FBXO36: variants seen among roughly 807,000 people sequenced by gnomAD.
FBXO36 encodes F-box only protein 36.
FBXO36 carries 18 observed loss-of-function variants against 17.0 expected under a neutral mutation model. The ratio of observed to expected loss-of-function variants is 1.06; its 90% CI spans 0.73 to 1.57. The LOEUF (loss-of-function observed/expected upper bound fraction) is 1.57. FBXO36 is among the 40% of genes most tolerant of loss of function. The probability of loss-of-function intolerance (pLI) is 0.00; values close to 1 mark genes in which losing one functional copy is unlikely to be tolerated. For missense variants in FBXO36, 229 were observed against 221.9 expected, an observed-to-expected ratio of 1.03 and a Z score of -0.20; for synonymous variants, 83 against 85.3, an observed-to-expected ratio of 0.97 and a Z score of 0.15.
intron 2 of FBXO36, among the ~76,000 whole-genome samples, chr2:229,987,311 T>A (rs2077274242): frequency 6.6e-6 from 1 of 152,154 alleles, no homozygotes; most frequent in Admixed American, 6.6e-5. Flanking sequence ...TGTCACTTTT[T>A]TGTTGTAATC....
Position 229,977,897 on chromosome 2 carries a change from A to G in FBXO36, c.205+1548A>G, listed in dbSNP as rs1577351612. On this transcript the variant is annotated intron_variant, in intron 2 of 3. Coordinates refer to ENST00000283946, the MANE Select transcript of FBXO36 (RefSeq NM_174899.5). ...TGTTAATGTCGTTTAATCTTAATCT[A>G]CTTTAGAATGTGTCTCTCAAGGGAC... 2.0e-5 allele frequency among the ~76,000 whole-genome samples: 3 copies of G among 152,294 alleles called. No homozygotes were observed. The East Asian group carries it at 5.8e-4, about 29-fold the overall frequency.
At chr2:229,936,132 G>C (rs186269580) in intron 1 of FBXO36, among the ~76,000 whole-genome samples, 6 of 152,016 alleles carry the variant, frequency 3.9e-5, no homozygotes, top group Non-Finnish European at 8.8e-5. Flanking sequence ...GCAGTGAACC[G>C]AGGTCACGCA....
intron 3 of FBXO36, among the ~76,000 whole-genome samples, chr2:230,001,653 G>A (rs1453028357): frequency 6.6e-6 from 1 of 152,050 alleles, no homozygotes; most frequent in Non-Finnish European, 1.5e-5. Flanking sequence ...AATTCCGGGG[G>A]ACAAGTTTAT....
rs931621534 is a variant in FBXO36, at chr2:229,996,627, T to C, written c.206-124T>C. 8.6e-6 allele frequency: 9 copies of C among 1,041,700 alleles called. No homozygotes were observed. The African/African-American group carries it at 1.5e-4, about 17-fold the overall frequency. The allele number at this position is 1,041,700 out of a possible 1,614,324, so 64.5% of individuals were successfully genotyped here. A position where few individuals can be genotyped will look rare whatever the true frequency, so the allele number is the denominator to read the frequency against. On this transcript the variant is annotated intron_variant, in intron 2 of 3. Coordinates refer to ENST00000283946, the MANE Select transcript of FBXO36 (RefSeq NM_174899.5). ...AAAGGCAGCTCGGTGAAAGTAGGAA[T>C]GACTTAGCATCATCTAACGTCACTC...
At chr2:229,937,328 C>G (rs2076969364) in intron 1 of FBXO36, among the ~76,000 whole-genome samples, 1 of 151,872 alleles carries the variant, frequency 6.6e-6, no homozygotes, top group Non-Finnish European at 1.5e-5. Flanking sequence ...AACCCCATCT[C>G]TACTAAGAAT....
chr2:229,941,421 C>G (rs2076998118), intron 1 of FBXO36, among the ~76,000 whole-genome samples: 1 of 152,000 alleles, frequency 6.6e-6, no homozygotes, highest in African/African-American at 2.4e-5. Context: ...TGCCACTGCA[C>G]TCCAGCCTGG....
In FBXO36 at chr2:230,013,029, TAAAA is replaced by T. The variant is rs552110750; in HGVS notation, c.*2149_*2152del. 16 of 151,134 alleles carry T rather than the reference TAAAA, an allele frequency of 1.1e-4. No individual in the cohort carries two copies. The highest frequency in any genetic ancestry group is 1.5e-4 in the Non-Finnish European group (10 of 67,708). 9.4% of individuals were successfully genotyped at this position (151,134 alleles called of 1,614,324 possible). A position where few individuals can be genotyped will look rare whatever the true frequency, so the allele number is the denominator to read the frequency against. Reference sequence around the variant, plus strand: ...TTATAAAAATAAATGCTAAAGTAAATAAAAAAAGAGCCATTAATATGTTAACTAT... The same window carrying T: ...TTATAAAAATAAATGCTAAAGTAAATAAAGAGCCATTAATATGTTAACTAT... On this transcript the variant is annotated 3_prime_UTR_variant, in exon 4 of 4. Coordinates refer to ENST00000283946, the MANE Select transcript of FBXO36 (RefSeq NM_174899.5).
rs1421618319 is a variant in FBXO36, at chr2:229,924,723, CTT to C, written c.96+2116_96+2117del. On this transcript the variant is annotated intron_variant, in intron 1 of 3. Transcript: ENST00000283946. The stretch of plus-strand genomic sequence containing the variant: ...AATTCTGTTGTTGGTGTTCTTCAGA[CTT>C]TGCTCTCAAGTCTAACTTAGGCGCA... Among the ~76,000 whole-genome samples the C allele has an allele frequency of 8.0e-5, 12 of 150,756 alleles. 1 individual carries two copies. In the South Asian group the frequency reaches 2.1e-3, roughly 26 times the overall value.
At chr2:229,999,937 C>T (rs911992904) in intron 3 of FBXO36, among the ~76,000 whole-genome samples, 12 of 152,094 alleles carry the variant, frequency 7.9e-5, no homozygotes, top group African/African-American at 2.9e-4. Flanking sequence ...TTTAGCTCCC[C>T]AAAATATATT....
In FBXO36 at chr2:229,987,288, A is replaced by G. The variant is rs963172462; in HGVS notation, c.206-9463A>G. Among the ~76,000 whole-genome samples the G allele has an allele frequency of 1.5e-4, 22 of 151,082 alleles. 1 individual carries two copies. The highest frequency in any genetic ancestry group is 1.4e-3 in the Admixed American group (21 of 15,162). ...TGTTAACATTTGTCCTATTTACTTC[A>G]TTTCATCTAAATTGTCACTTTTTTG... On this transcript the variant is annotated intron_variant, in intron 2 of 3. Coordinates refer to ENST00000283946, the MANE Select transcript of FBXO36 (RefSeq NM_174899.5).
chr2:229,942,440 T>C (rs1225490989), intron 1 of FBXO36, among the ~76,000 whole-genome samples: 3 of 152,194 alleles, frequency 2.0e-5, no homozygotes, highest in African/African-American at 7.2e-5. Context: ...GACCTTTGGG[T>C]TCCTCATTCT....
At chr2:229,939,483 C>A (rs2076985868) in intron 1 of FBXO36, among the ~76,000 whole-genome samples, 1 of 151,538 alleles carries the variant, frequency 6.6e-6, no homozygotes, top group Non-Finnish European at 1.5e-5. Flanking sequence ...TGGTGGTGTG[C>A]ACCTGTAATC....
chr2:229,973,940 C>T (rs576285745), intron 1 of FBXO36, among the ~76,000 whole-genome samples: 1 of 151,942 alleles, frequency 6.6e-6, no homozygotes, highest in Admixed American at 6.6e-5. Context: ...GTCCCAGCTA[C>T]TCAGGAGGCT....
At chr2:229,966,898 T>C (rs1015423211) in intron 1 of FBXO36, among the ~76,000 whole-genome samples, 4 of 152,190 alleles carry the variant, frequency 2.6e-5, no homozygotes, top group African/African-American at 7.2e-5. Context: ...TTTAAAGTAG[T>C]TTTTTCCAAT....
intron 1 of FBXO36, among the ~76,000 whole-genome samples, chr2:229,952,568 CG>C (rs901101732): frequency 1.3e-5 from 2 of 152,142 alleles, no homozygotes; most frequent in African/African-American, 4.8e-5. Context: ...ACCTCCGCCC[CG>C]ACCTTTCTCA....
At chr2:229,972,458 A>G (rs1301628556) in intron 1 of FBXO36, among the ~76,000 whole-genome samples, 1 of 152,160 alleles carries the variant, frequency 6.6e-6, no homozygotes, top group African/African-American at 2.4e-5. Flanking sequence ...GATGAAAAAA[A>G]TATGGTTCTG....
intron 1 of FBXO36, among the ~76,000 whole-genome samples, chr2:229,938,157 TG>T (rs1206626191): frequency 6.8e-6 from 1 of 147,268 alleles, no homozygotes; most frequent in Non-Finnish European, 1.5e-5. Context: ...TTTGTAGAGA[TG>T]GGGTTGTAGA....
At chr2:229,961,586 C>T (rs894796473) in intron 1 of FBXO36, among the ~76,000 whole-genome samples, 3 of 151,930 alleles carry the variant, frequency 2.0e-5, no homozygotes, top group African/African-American at 4.8e-5. Context: ...ATGTCGGCCA[C>T]GATGGTCTCG....
chr2:229,973,768 T>C (rs991691766), intron 1 of FBXO36, among the ~76,000 whole-genome samples: 3 of 149,650 alleles, frequency 2.0e-5, no homozygotes, highest in African/African-American at 7.4e-5. Flanking sequence ...TCTATTCGGC[T>C]GGGCACAGTG....
Sources: gnomAD v4.1 joint callset for allele counts (sites outside exome capture counted in the v4.1 genomes callset) on GRCh38, gnomAD v4.1.1 for gene constraint, MANE v1.5 for transcripts, NCBI Gene and HGNC (gene_info 2026-07-23, HGNC 2026-07-21) for gene names.